Variants in LIN7B observed in about 807,000 individuals in gnomAD.
LIN7B encodes lin-7 cell polarity scaffold B.
A neutral mutation model predicts 27.9 loss-of-function variants in LIN7B; 16 were observed. The observed-to-expected ratio is 0.57, with a 90% CI of 0.39 to 0.87. The LOEUF (loss-of-function observed/expected upper bound fraction) is 0.87, where lower values mean the gene tolerates loss of function less well. Ranked by LOEUF, LIN7B falls within the 40% of genes least tolerant of loss-of-function variation. The pLI, the probability that LIN7B is intolerant of heterozygous loss-of-function variation, is 0.00. For missense variants in LIN7B, 291 were observed against 288.5 expected (o/e 1.01, Z -0.06); for synonymous variants, 147 against 120.8 (o/e 1.22, Z -1.42).
Position 49,114,412 on chromosome 19 carries a change from C to T in LIN7B, c.8C>T (p.Ala3Val), listed in dbSNP as rs2040787548. 8.3e-7 allele frequency: 1 copy of T among 1,203,580 alleles called. No individual in the cohort carries two copies. The highest frequency in any genetic ancestry group is 1.0e-6 in the Non-Finnish European group (1 of 969,754). The allele number at this position is 1,203,580 out of a possible 1,614,324, so 74.6% of individuals were successfully genotyped here. A position where few individuals can be genotyped will look rare whatever the true frequency, so the allele number is the denominator to read the frequency against. Reference sequence around the variant, plus strand: ...GGCAGCTGTGGCGCCGACATGGCTGCGCTGGTGGAGCCGCTGGGGCTGGAG... The same window carrying T: ...GGCAGCTGTGGCGCCGACATGGCTGTGCTGGTGGAGCCGCTGGGGCTGGAG... Reference protein sequence around the residue: MAALVEPLGLERD... With the variant: MAVLVEPLGLERD... The change falls in exon 1 of 6, where the codon GCG becomes GTG. Residue 3 changes from alanine (A) to valine (V), a missense_variant. Transcript: ENST00000221459.
Position 49,116,372 on chromosome 19 carries a change from A to T in LIN7B, c.338A>T (p.Gln113Leu), listed in dbSNP as rs769844186. The change falls in exon 4 of 6, where the codon CAA (glutamine) becomes CTA (leucine). Residue 113 changes from glutamine (Q) to leucine (L), a missense_variant. Coordinates refer to ENST00000221459, the MANE Select transcript of LIN7B (RefSeq NM_022165.3). The stretch of plus-strand genomic sequence containing the variant: ...TTCAACATCATGGGTGGCAAAGAGC[A>T]AAACTCGCCCATCTACATCTCCCGG... Reference protein sequence around the residue: ...LGFNIMGGKEQNSPIYISRVI... With the variant: ...LGFNIMGGKELNSPIYISRVI... 6 of 1,614,130 alleles carry T rather than the reference A, an allele frequency of 3.7e-6. No homozygotes were observed. The highest frequency in any genetic ancestry group is 1.7e-5 in the Admixed American group (1 of 60,008).
Position 49,116,467 on chromosome 19 carries a change from G to T in LIN7B, c.433G>T (p.Gly145Cys), listed in dbSNP as rs768322447. The part of the protein sequence containing the change: ...KRGDQLLSVN[G>C]VSVEGEQHEK... ...TGGGGATCAACTGTTGTCGGTGAAC[G>T]GTGTGGTGAGTGGAGGGCTGAGGCA... Residue 145 changes from glycine to cysteine, a missense_variant, in exon 4 of 6, where the codon GGT becomes TGT. Gly to Cys is a radical substitution (Grantham distance 159). Coordinates refer to ENST00000221459, the MANE Select transcript of LIN7B (RefSeq NM_022165.3). 4.3e-6 allele frequency: 7 copies of T among 1,613,704 alleles called. No individual in the cohort carries two copies. The highest frequency in any genetic ancestry group is 5.9e-6 in the Non-Finnish European group (7 of 1,179,700).
chr19:49,115,074 C>T, intron 2 of LIN7B, 107 bp downstream of exon 2: 2 of 930,072 alleles, frequency 2.2e-6, no homozygotes, highest in Non-Finnish European at 3.0e-6. Flanking sequence ...GCTCCCGAGG[C>T]GGCCCGCCTT....
intron 3 of LIN7B, 144 bp downstream of exon 3, chr19:49,115,475 C>T (rs1341454326): frequency 1.4e-6 from 1 of 708,674 alleles, no homozygotes. Context: ...AATAATCGCA[C>T]ATTTTTAACT....
Position 49,114,956 on chromosome 19 carries a change from G to T in LIN7B, c.145G>T (p.Ala49Ser). 7.0e-7 allele frequency: 1 copy of T among 1,425,662 alleles called. No homozygotes were observed. 88.3% of individuals were successfully genotyped at this position (1,425,662 alleles called of 1,614,324 possible). A position where few individuals can be genotyped will look rare whatever the true frequency, so the allele number is the denominator to read the frequency against. The change falls in exon 2 of 6, where the codon GCT becomes TCT. Residue 49 changes from alanine to serine, a missense_variant. By Grantham distance (99) the Ala-to-Ser change is moderately conservative. Transcript: ENST00000221459. ...AGTTCTGCAGAGCCGCTTCTGCTCCGCTATCCGAGAGGTGAGGGGCGCGCG... is the reference window on the plus strand; with the variant it reads ...AGTTCTGCAGAGCCGCTTCTGCTCCTCTATCCGAGAGGTGAGGGGCGCGCG... ...QRVLQSRFCS[A>S]IREVYEQLYD...
At chr19:49,115,015 C>A in intron 2 of LIN7B, 48 bp downstream of exon 2, 1 of 1,176,930 alleles carries the variant, frequency 8.5e-7, no homozygotes, top group Non-Finnish European at 1.1e-6. Flanking sequence ...CGTCGTCCTC[C>A]TCCTCCTCCT....
intron 2 of LIN7B, 141 bp downstream of exon 2, chr19:49,115,108 G>C (rs2040804189): frequency 1.1e-6 from 1 of 892,790 alleles, no homozygotes; most frequent in Non-Finnish European, 1.6e-6. Context: ...TTCAGCTCAG[G>C]GGTTCTTCGG....
chr19:49,115,077 C>G (rs1600304734), intron 2 of LIN7B, 110 bp downstream of exon 2: 3 of 917,888 alleles, frequency 3.3e-6, no homozygotes, highest in Non-Finnish European at 4.6e-6. Flanking sequence ...CCCGAGGCGG[C>G]CCGCCTTGGG....
chr19:49,118,038 C>G lies in LIN7B; in HGVS notation c.602+20C>G, dbSNP rs1472563097. The G allele has an allele frequency of 5.6e-6, 9 of 1,613,206 alleles. No homozygotes were observed. Among genetic ancestry groups the G allele is most frequent in the Non-Finnish European group, 6.8e-6 (8 of 1,179,696 alleles). ...CTACTCGTGAGCCCCTGGGTCACCA[C>G]ACCCCTGGGGCCTCCACGGGCTCCC... On this transcript the variant is annotated intron_variant, in intron 5 of 5. Transcript: ENST00000221459.
At chr19:49,118,141 T>TTGACCCTTGGCCCAGGCTC in intron 5 of LIN7B, 123 bp downstream of exon 5, 1 of 1,487,706 alleles carries the variant, frequency 6.7e-7, no homozygotes, top group East Asian at 2.3e-5. Flanking sequence ...ATCCTGACCC[T>TTGACCCTTGGCCCAGGCTC]TGACCCTTGG....
chr19:49,116,409 G>C lies in LIN7B; in HGVS notation c.375G>C (p.Gly125=). The change falls in exon 4 of 6, where the codon GGG becomes GGC. Residue 125 remains glycine, a synonymous_variant. Transcript: ENST00000221459. ...SPIYISRVIP[G]GVADRHGGLK... ...TCTACATCTCCCGGGTCATCCCAGG[G>C]GGTGTGGCTGACCGCCATGGAGGCC... 1 of 1,614,246 alleles carries C rather than the reference G, an allele frequency of 6.2e-7. No individual in the cohort carries two copies. The highest frequency in any genetic ancestry group is 1.1e-5 in the South Asian group (1 of 91,084).
At chr19:49,116,230 G>A in intron 3 of LIN7B, 33 bp from the exon 4 acceptor site, 1 of 1,589,718 alleles carries the variant, frequency 6.3e-7, no homozygotes, top group Non-Finnish European at 8.6e-7. Context: ...ACCTGGAAGG[G>A]GCCCTCATCT....
intron 3 of LIN7B, chr19:49,115,829 AC>A (rs1192888768): frequency 1.0e-3 from 130 of 130,516 alleles, no homozygotes; most frequent in Middle Eastern, 3.7e-3. Flanking sequence ...CCACAGAAAT[AC>A]AAAAAAAAAA....
intron 1 of LIN7B, 50 bp from the exon 2 acceptor site, chr19:49,114,799 C>T (rs890474303): frequency 7.9e-6 from 9 of 1,136,684 alleles, no homozygotes; most frequent in Middle Eastern, 3.2e-4. Flanking sequence ...TTCTCTGCGT[C>T]TCGGGGTCTC....
intron 5 of LIN7B, 129 bp downstream of exon 5, chr19:49,118,147 C>A: frequency 6.8e-7 from 1 of 1,469,548 alleles, no homozygotes; most frequent in Non-Finnish European, 9.2e-7. Flanking sequence ...ACCCTTGACC[C>A]TTGGCCCAGG....
intron 4 of LIN7B, 126 bp from the exon 5 acceptor site, chr19:49,117,729 G>A (rs754864994): frequency 7.9e-5 from 61 of 773,898 alleles, no homozygotes; most frequent in Non-Finnish European, 1.2e-4. Flanking sequence ...ACTCCCACGA[G>A]GAGGACATGA....
In LIN7B at chr19:49,114,906, C is replaced by T. The variant is rs1280148036; in HGVS notation, c.95C>T (p.Pro32Leu). The change falls in exon 2 of 6, where the codon CCG becomes CTG. Residue 32 changes from proline (P) to leucine (L), a missense_variant. Coordinates refer to ENST00000221459, the MANE Select transcript of LIN7B (RefSeq NM_022165.3). ...CTCCAGCGCAGCGGGGAGCTGCCGC[C>T]GCAGAAGCTGCAGGCCCTCCAGCGA... Reference protein sequence around the residue: ...ERLQRSGELPPQKLQALQRVL... With the variant: ...ERLQRSGELPLQKLQALQRVL... 2 of 1,473,266 alleles carry T rather than the reference C, an allele frequency of 1.4e-6. No individual in the cohort carries two copies. The highest frequency in any genetic ancestry group is 4.6e-5 in the Admixed American group (2 of 43,730). The allele number at this position is 1,473,266 out of a possible 1,614,324, so 91.3% of individuals were successfully genotyped here.
At position 49,118,411 on chromosome 19, in the gene LIN7B, G is replaced by T. The variant is rs1432736369; in HGVS notation, c.*38G>T. 6.2e-7 allele frequency: 1 copy of T among 1,610,744 alleles called. No individual in the cohort carries two copies. The highest frequency in any genetic ancestry group is 1.7e-5 in the Admixed American group (1 of 60,014). The stretch of plus-strand genomic sequence containing the variant: ...GGACGTTCACGTGCACTCTCTTCCT[G>T]TACAGTATTTATTGTTCCTGGCACT... On this transcript the variant is annotated 3_prime_UTR_variant, in exon 6 of 6. Coordinates refer to ENST00000221459, the MANE Select transcript of LIN7B (RefSeq NM_022165.3).
chr19:49,118,456 CCTCA>C, exon 6 of LIN7B: 1 of 1,562,196 alleles, frequency 6.4e-7, no homozygotes, highest in Non-Finnish European at 8.8e-7. Context: ...GATATTTGAC[CCTCA>C]CTGAGTGTCT....
Sources: gnomAD v4.1 joint callset for allele counts on GRCh38, gnomAD v4.1.1 for gene constraint, MANE v1.5 for transcripts, NCBI Gene and HGNC (gene_info 2026-07-23, HGNC 2026-07-21) for gene names.